The following BCO1 variants were observed in gnomAD, a reference collection of about 807,000 sequenced individuals.
The protein encoded by BCO1 is beta,beta-carotene 15,15'-dioxygenase.
A neutral mutation model predicts 56.3 loss-of-function variants in BCO1; 54 were observed. That is an observed-to-expected ratio of 0.96 (90% CI 0.77 to 1.20). The LOEUF (loss-of-function observed/expected upper bound fraction) is 1.20, where lower values mean the gene tolerates loss of function less well. Ranked by LOEUF, BCO1 falls within the 50% of genes most tolerant of loss-of-function variation. BCO1 has a pLI of 0.00. For missense variants in BCO1, 801 were observed against 690.9 expected, an observed-to-expected ratio of 1.16 and a Z score of -1.79; for synonymous variants, 318 against 266.1, an observed-to-expected ratio of 1.20 and a Z score of -1.90.
rs1261473422 is a variant in BCO1 at position 81,287,493 on chromosome 16, C to T, written c.1414+87C>T. The T allele has an allele frequency of 2.9e-6, 3 of 1,038,668 alleles. No homozygotes were observed. The African/African-American group carries it at 4.7e-5, about 16-fold the overall frequency. The allele number at this position is 1,038,668 out of a possible 1,614,324, so 64.3% of individuals were successfully genotyped here. On this transcript the variant is annotated intron_variant, in intron 10 of 10. Transcript: ENST00000258168. The stretch of plus-strand genomic sequence containing the variant: ...GACACCATCTGGGGGCAGCTGACCC[C>T]CCCAGGTCATAAAGGGGGTGGATTG...
intron 7 of BCO1, among the ~76,000 whole-genome samples, chr16:81,277,688 C>G (rs1245899361): frequency 1.3e-5 from 2 of 152,212 alleles, no homozygotes; most frequent in African/African-American, 4.8e-5. Flanking sequence ...ACAGTGATGA[C>G]TGCTTCTTAT....
chr16:81,281,275 A>G (rs978952090), intron 8 of BCO1, among the ~76,000 whole-genome samples: 6 of 152,044 alleles, frequency 3.9e-5, no homozygotes, highest in Non-Finnish European at 5.9e-5. Context: ...GCGAAACCCC[A>G]TCTCTACTAA....
At chr16:81,260,666 G>A (rs1443477696) in intron 3 of BCO1, among the ~76,000 whole-genome samples, 7 of 151,972 alleles carry the variant, frequency 4.6e-5, no homozygotes, top group Non-Finnish European at 7.4e-5. Flanking sequence ...CCACCACCAC[G>A]CCCGGCTAAT....
chr16:81,240,659 C>A (rs1177302506), intron 1 of BCO1, among the ~76,000 whole-genome samples: 1 of 151,678 alleles, frequency 6.6e-6, no homozygotes, highest in African/African-American at 2.4e-5. Context: ...GAGCTGAGAT[C>A]GTGCCACTGC....
At chr16:81,250,035 T>C (rs1488158977) in intron 2 of BCO1, among the ~76,000 whole-genome samples, 1 of 152,174 alleles carries the variant, frequency 6.6e-6, no homozygotes, top group East Asian at 1.9e-4. Flanking sequence ...AGTCAAACTC[T>C]TCAATATTTA....
In BCO1 at chr16:81,248,747, C is replaced by G. The variant is rs550852774; in HGVS notation, c.193+3144C>G. The stretch of plus-strand genomic sequence containing the variant: ...CCAGTGGTGGCCGGGCGCGGTGGCT[C>G]ACGCCTGTAATCCCAGCACTTTGGG... On this transcript the variant is annotated intron_variant, in intron 2 of 10. Coordinates refer to ENST00000258168, the MANE Select transcript of BCO1 (RefSeq NM_017429.3). 4.2e-4 allele frequency among the ~76,000 whole-genome samples: 64 copies of G among 152,232 alleles called. 2 individuals are homozygous for G. The highest frequency in any genetic ancestry group is 4.1e-3 in the Admixed American group (63 of 15,276).
intron 2 of BCO1, among the ~76,000 whole-genome samples, chr16:81,256,821 G>C (rs8045890): frequency 0.26 from 38,933 of 151,958 alleles, 5,491 homozygotes; most frequent in Middle Eastern, 0.39. Flanking sequence ...CTGAGACGTG[G>C]AGGTTACAGT....
intron 3 of BCO1, 61 bp from the exon 4 acceptor site, chr16:81,262,075 A>T: frequency 6.3e-7 from 1 of 1,585,294 alleles, no homozygotes; most frequent in Non-Finnish European, 8.6e-7. Flanking sequence ...GCCATCAAGG[A>T]TAGACTTCTC....
Position 81,288,173 on chromosome 16 carries a change from G to A in BCO1, c.1414+767G>A, listed in dbSNP as rs76212260. Among the ~76,000 whole-genome samples, 1,009 of 151,562 alleles carry A rather than the reference G, an allele frequency of 6.7e-3. 7 individuals carry two copies. Among genetic ancestry groups the A allele is most frequent in the East Asian group, 0.027 (137 of 5,148 alleles). ...TTTAGACAAGTTTAAGTTTTTTACC[G>A]CACAAAGTCCATCTCCTTTCCACTC... On this transcript the variant is annotated intron_variant, in intron 10 of 10. Coordinates refer to ENST00000258168, the MANE Select transcript of BCO1 (RefSeq NM_017429.3).
chr16:81,241,461 C>G (rs1206684973), intron 1 of BCO1, among the ~76,000 whole-genome samples: 1 of 152,150 alleles, frequency 6.6e-6, no homozygotes, highest in African/African-American at 2.4e-5. Context: ...TGAGTGAGCC[C>G]CAAAGATCAG....
chr16:81,244,533 T>C (rs6564860), intron 1 of BCO1, among the ~76,000 whole-genome samples: 58,770 of 151,744 alleles, frequency 0.39, 11,987 homozygotes, highest in African/African-American at 0.52. Flanking sequence ...AGCTACCATA[T>C]TGGACAGTAC....
intron 3 of BCO1, among the ~76,000 whole-genome samples, chr16:81,260,102 A>C (rs895438352): frequency 6.6e-6 from 1 of 152,222 alleles, no homozygotes; most frequent in Non-Finnish European, 1.5e-5. Flanking sequence ...ACTTGCATAG[A>C]AAATGACACA....
intron 3 of BCO1, chr16:81,261,802 C>T (rs970718143): frequency 2.1e-5 from 7 of 338,028 alleles, no homozygotes; most frequent in Admixed American, 1.2e-4. Flanking sequence ...AGTGTAGTGG[C>T]GCCATCTCGG....
chr16:81,285,588 G>A lies in BCO1; in HGVS notation c.1256G>A (p.Arg419Gln), dbSNP rs372527154. Residue 419 changes from arginine (R) to glutamine (Q), a missense_variant, in exon 9 of 11, where the codon CGA (arginine) becomes CAA (glutamine). Arg to Gln is a conservative substitution (Grantham distance 43). Transcript: ENST00000258168. ...TATGCTCACAATGGAAAGCAATACC[G>A]ATATGTCTTTGCTACAGGAGTTCAG... ...VNYAHNGKQY[R>Q]YVFATGVQWS... The A allele has an allele frequency of 2.0e-5, 32 of 1,613,708 alleles. No individual in the cohort carries two copies. Among genetic ancestry groups the A allele is most frequent in the East Asian group, 8.9e-5 (4 of 44,890 alleles).
chr16:81,289,434 G>A (rs1908345768), intron 10 of BCO1, among the ~76,000 whole-genome samples: 1 of 152,104 alleles, frequency 6.6e-6, no homozygotes, highest in African/African-American at 2.4e-5. Context: ...TTGAGCCCAG[G>A]AGTCCAAGAC....
At chr16:81,256,354 A>G (rs1471118699) in intron 2 of BCO1, among the ~76,000 whole-genome samples, 1 of 152,250 alleles carries the variant, frequency 6.6e-6, no homozygotes, top group East Asian at 1.9e-4. Context: ...GGCAGTCAAC[A>G]TATGATGGGC....
At chr16:81,277,291 G>A (rs778072880) in intron 7 of BCO1, among the ~76,000 whole-genome samples, 13 of 151,998 alleles carry the variant, frequency 8.6e-5, no homozygotes, top group Non-Finnish European at 1.5e-4. Context: ...TTTAGGGGCT[G>A]TGAAGTGCTT....
intron 2 of BCO1, among the ~76,000 whole-genome samples, chr16:81,247,082 T>C (rs1905470690): frequency 6.6e-6 from 1 of 152,176 alleles, no homozygotes; most frequent in Admixed American, 6.5e-5. Flanking sequence ...AGCCAGTTTA[T>C]GCTACAAAAT....
intron 5 of BCO1, 149 bp downstream of exon 5, chr16:81,264,936 T>A: frequency 1.2e-6 from 1 of 868,728 alleles, no homozygotes; most frequent in Middle Eastern, 2.5e-4. Flanking sequence ...TACTTTCCTT[T>A]AGAAGAGAAG....
Sources: gnomAD v4.1 joint callset for allele counts (sites outside exome capture counted in the v4.1 genomes callset) on GRCh38, gnomAD v4.1.1 for gene constraint, MANE v1.5 for transcripts, NCBI Gene and HGNC (gene_info 2026-07-23, HGNC 2026-07-21) for gene names.